Variants in FYB1 observed in about 807,000 individuals in gnomAD.
The protein encoded by FYB1 is FYN binding protein 1, also known as FYN-binding protein 1.
FYB1 carries 41 observed loss-of-function variants against 94.1 expected under a neutral mutation model. That is an observed-to-expected ratio of 0.44 (90% CI 0.34 to 0.57). FYB1 has a LOEUF of 0.57. Ranked by LOEUF, FYB1 falls within the 20% of genes least tolerant of loss-of-function variation. The pLI, the probability that FYB1 is intolerant of heterozygous loss-of-function variation, is 0.02. For missense variants in FYB1, 1,050 were observed against 976.8 expected, an observed-to-expected ratio of 1.07 and a Z score of -1.00; for synonymous variants, 367 against 353.2, an observed-to-expected ratio of 1.04 and a Z score of -0.44.
chr5:39,222,049 A>AAAATAAAATAAAAT (rs1160926970), upstream of FYB1, among the ~76,000 whole-genome samples: 3 of 152,074 alleles, frequency 2.0e-5, no homozygotes, highest in African/African-American at 7.2e-5. Flanking sequence ...AAAATAAAAT[A>AAAATAAAATAAAAT]AAATGAAATA....
At chr5:39,230,186 A>G (rs1750659430) in intron 1 of FYB1, among the ~76,000 whole-genome samples, 1 of 152,186 alleles carries the variant, frequency 6.6e-6, no homozygotes, top group Admixed American at 6.5e-5. Flanking sequence ...TTAAAATGAG[A>G]AGATTACTCT....
At chr5:39,148,187 ATATATATATATATATATATAT>A (rs1742907705) in intron 3 of FYB1, among the ~76,000 whole-genome samples, 1 of 70,462 alleles carries the variant, frequency 1.4e-5, no homozygotes, top group African/African-American at 6.8e-5. Context: ...ATATATATAT[ATATATATATATATATATATAT>A]TTGTAGACGC....
At chr5:39,155,655 C>T (rs1196344416) in intron 2 of FYB1, among the ~76,000 whole-genome samples, 1 of 152,068 alleles carries the variant, frequency 6.6e-6, no homozygotes, top group Non-Finnish European at 1.5e-5. Flanking sequence ...TACATTTTCT[C>T]CTACTTCGCT....
chr5:39,242,298 C>T lies in FYB1; in HGVS notation c.-28+32105G>A, dbSNP rs373570691. Among the ~76,000 whole-genome samples the T allele has an allele frequency of 5.0e-4, 70 of 139,298 alleles. 2 individuals carry two copies. The highest frequency in any genetic ancestry group is 3.7e-3 in the Middle Eastern group (1 of 270). The allele number at this position is 139,298 out of a possible 152,430, so 91.4% of individuals were successfully genotyped here. Reference sequence around the variant, plus strand: ...ATGCTATCCCTCCCCCCTCCCCCCACGCCACGACAGGCCCCAGTGTGTGAT... The same window carrying T: ...ATGCTATCCCTCCCCCCTCCCCCCATGCCACGACAGGCCCCAGTGTGTGAT... On this transcript the variant is annotated intron_variant, in intron 1 of 1. Coordinates refer to the FYB1 transcript ENST00000510188.
intron 16 of FYB1, among the ~76,000 whole-genome samples, chr5:39,113,582 G>T (rs1460442893): frequency 6.6e-6 from 1 of 152,000 alleles, no homozygotes; most frequent in Non-Finnish European, 1.5e-5. Context: ...CCTTTTAGAA[G>T]GGTATTGTGA....
chr5:39,214,297 T>C (rs1049805174), intron 1 of FYB1, among the ~76,000 whole-genome samples: 2 of 152,174 alleles, frequency 1.3e-5, no homozygotes, highest in Non-Finnish European at 2.9e-5. Flanking sequence ...GGTGGGAACA[T>C]AAAATGGTAC....
intron 1 of FYB1, among the ~76,000 whole-genome samples, chr5:39,210,388 C>T (rs1455241876): frequency 6.6e-6 from 1 of 152,200 alleles, no homozygotes; most frequent in Non-Finnish European, 1.5e-5. Context: ...ACTGATGATC[C>T]GGATCCTTCT....
chr5:39,153,648 C>G (rs1561183961), intron 2 of FYB1, 44 bp from the exon 3 acceptor site: 6 of 1,537,102 alleles, frequency 3.9e-6, no homozygotes, highest in Non-Finnish European at 5.3e-6. Context: ...GACAAATCTT[C>G]AAAAAGAAGA....
intron 9 of FYB1, among the ~76,000 whole-genome samples, chr5:39,131,972 G>A (rs192536199): frequency 1.3e-5 from 2 of 152,320 alleles, no homozygotes; most frequent in African/African-American, 2.4e-5. Context: ...GACAGGAGAC[G>A]AGAGGGAGAG....
At chr5:39,127,952 T>G (rs1477380858) in intron 10 of FYB1, 145 bp from the exon 11 acceptor site, 1 of 774,198 alleles carries the variant, frequency 1.3e-6, no homozygotes, top group African/African-American at 1.8e-5. Flanking sequence ...AAACACTTTG[T>G]TGATTATTTT....
chr5:39,253,269 T>G (rs1288449678), intron 1 of FYB1, among the ~76,000 whole-genome samples: 1 of 152,184 alleles, frequency 6.6e-6, no homozygotes, highest in Non-Finnish European at 1.5e-5. Context: ...GTAGATATAT[T>G]AAAGATAACT....
At chr5:39,242,509 T>G (rs1048779759) in intron 1 of FYB1, among the ~76,000 whole-genome samples, 3 of 152,196 alleles carry the variant, frequency 2.0e-5, no homozygotes, top group Non-Finnish European at 4.4e-5. Context: ...ATGGTGTATA[T>G]GTGCCACATT....
upstream of FYB1, among the ~76,000 whole-genome samples, chr5:39,219,986 T>C (rs1750161068): frequency 6.6e-6 from 1 of 152,194 alleles, no homozygotes; most frequent in Non-Finnish European, 1.5e-5. Context: ...AGTGGTGTGC[T>C]TGACCATATC....
chr5:39,263,434 G>A (rs564590470), intron 1 of FYB1, among the ~76,000 whole-genome samples: 10 of 151,908 alleles, frequency 6.6e-5, no homozygotes, highest in Admixed American at 6.6e-4. Context: ...GTCCTCTTTT[G>A]CAGAAGGAGA....
chr5:39,152,521 G>A (rs1162740610), intron 3 of FYB1, among the ~76,000 whole-genome samples: 2 of 152,164 alleles, frequency 1.3e-5, no homozygotes, highest in Non-Finnish European at 2.9e-5. Flanking sequence ...TGTGATAAAG[G>A]AGAATCATGT....
intron 1 of FYB1, among the ~76,000 whole-genome samples, chr5:39,243,462 A>G (rs1579769810): frequency 6.6e-6 from 1 of 151,822 alleles, no homozygotes; most frequent in African/African-American, 2.4e-5. Context: ...GATGTGTGGT[A>G]TTATTTCTGA....
chr5:39,141,347 A>G (rs1447531505), intron 3 of FYB1, among the ~76,000 whole-genome samples: 2 of 152,260 alleles, frequency 1.3e-5, no homozygotes, highest in Non-Finnish European at 2.9e-5. Flanking sequence ...AAACTGGAGT[A>G]TAGCACCATC....
At chr5:39,177,449 A>G (rs1222245703) in intron 2 of FYB1, among the ~76,000 whole-genome samples, 1 of 152,158 alleles carries the variant, frequency 6.6e-6, no homozygotes, top group Non-Finnish European at 1.5e-5. Flanking sequence ...CAAAGAAGTT[A>G]TTTGTCCCAG....
At chr5:39,189,139 G>T (rs1346386209) in intron 2 of FYB1, among the ~76,000 whole-genome samples, 1 of 152,052 alleles carries the variant, frequency 6.6e-6, no homozygotes, top group East Asian at 1.9e-4. Flanking sequence ...AAGAGATGCT[G>T]GTTGTCTGGG....
Sources: gnomAD v4.1 joint callset for allele counts (sites outside exome capture counted in the v4.1 genomes callset) on GRCh38, gnomAD v4.1.1 for gene constraint, MANE v1.5 for transcripts, NCBI Gene and HGNC (gene_info 2026-07-23, HGNC 2026-07-21) for gene names.